Variants in MAP2K5 observed in about 807,000 individuals in gnomAD.
The protein encoded by MAP2K5 is dual specificity mitogen-activated protein kinase kinase 5.
MAP2K5 carries 49 observed loss-of-function variants against 83.1 expected under a neutral mutation model. That is an observed-to-expected ratio of 0.59 (90% CI 0.47 to 0.75). The LOEUF (loss-of-function observed/expected upper bound fraction) is 0.75, where lower values mean the gene tolerates loss of function less well. Ranked by LOEUF, MAP2K5 falls within the 30% of genes least tolerant of loss-of-function variation. The probability of loss-of-function intolerance (pLI) is 0.00; values close to 1 mark genes in which losing one functional copy is unlikely to be tolerated. For missense variants in MAP2K5, 457 were observed against 557.5 expected (o/e 0.82, Z 1.82); for synonymous variants, 202 against 191.8 (o/e 1.05, Z -0.44).
At chr15:67,685,104 T>C (rs1875651348) in intron 13 of MAP2K5, among the ~76,000 whole-genome samples, 1 of 152,046 alleles carries the variant, frequency 6.6e-6, no homozygotes, top group African/African-American at 2.4e-5. Context: ...ATCTAAGAAC[T>C]CAATGAACCC....
In MAP2K5 at chr15:67,758,466, T is replaced by A. The variant is rs2089883853; in HGVS notation, c.1134+9865T>A. ...GCACCTCATTCAAAACTATATTCAT[T>A]CCTGCTCCAGATTCAATTATGAGTT... On this transcript the variant is annotated intron_variant, in intron 19 of 21. Transcript: ENST00000178640. This position sits in a 1 kb window ranked among gnomAD's most constrained non-coding sequence, Gnocchi z 4.7. Among the ~76,000 whole-genome samples, 1 of 152,144 alleles carries A rather than the reference T, an allele frequency of 6.6e-6. No individual in the cohort carries two copies. The highest frequency in any genetic ancestry group is 1.5e-5 in the Non-Finnish European group (1 of 68,034).
In MAP2K5 at chr15:67,572,579, G is replaced by A. The variant is rs899992063; in HGVS notation, c.253-8175G>A. On this transcript the variant is annotated intron_variant, in intron 3 of 21. Coordinates refer to ENST00000178640, the MANE Select transcript of MAP2K5 (RefSeq NM_145160.3). The surrounding 1 kb of genome is among the most constrained non-coding windows in gnomAD (Gnocchi z 4.2). ...AGGAGGATGAATGTGCCCACCCTAC[G>A]TATGATGTTTGTTTATGTATAGGAT... 2.0e-5 allele frequency among the ~76,000 whole-genome samples: 3 copies of A among 152,154 alleles called. No individual in the cohort carries two copies. Among genetic ancestry groups the A allele is most frequent in the Admixed American group, 6.5e-5 (1 of 15,274 alleles).
intron 10 of MAP2K5, 37 bp from the exon 11 acceptor site, chr15:67,646,351 C>A (rs376334842): frequency 7.0e-7 from 1 of 1,426,444 alleles, no homozygotes; most frequent in Admixed American, 1.7e-5. Flanking sequence ...TATTGACTTG[C>A]AGGTTTATAA....
intron 8 of MAP2K5, among the ~76,000 whole-genome samples, chr15:67,620,862 G>C (rs914754360): frequency 2.0e-5 from 3 of 151,956 alleles, no homozygotes; most frequent in Non-Finnish European, 4.4e-5. Flanking sequence ...ACAAATAGAT[G>C]GAATAAAGGG....
intron 21 of MAP2K5, among the ~76,000 whole-genome samples, chr15:67,800,758 G>A (rs901033381): frequency 2.6e-5 from 4 of 152,190 alleles, no homozygotes; most frequent in Non-Finnish European, 4.4e-5. Flanking sequence ...GGGCTTTGGT[G>A]CACTCACACA....
intron 15 of MAP2K5, among the ~76,000 whole-genome samples, chr15:67,693,807 AG>A (rs1427472094): frequency 6.6e-6 from 1 of 152,162 alleles, no homozygotes; most frequent in Admixed American, 6.5e-5. Context: ...GAAATCGCTG[AG>A]TTTCGAAGTT....
At chr15:67,651,624 C>G (rs1174221714) in intron 11 of MAP2K5, among the ~76,000 whole-genome samples, 2 of 152,192 alleles carry the variant, frequency 1.3e-5, no homozygotes, top group Non-Finnish European at 2.9e-5. Flanking sequence ...ACATATATGT[C>G]TTTCTGTGTC....
Position 67,717,278 on chromosome 15 carries a change from A to G in MAP2K5, c.1045-10638A>G, listed in dbSNP as rs1383524160. On this transcript the variant is annotated intron_variant, in intron 16 of 21. Coordinates refer to ENST00000178640, the MANE Select transcript of MAP2K5 (RefSeq NM_145160.3). This position sits in a 1 kb window ranked among gnomAD's most constrained non-coding sequence, Gnocchi z 4.1. Reference sequence around the variant, plus strand: ...ATGTGCTAGTTACCTTTCAGAAACTAAGGCCTAGTTTATTTATTAAAAAGA... The same window carrying G: ...ATGTGCTAGTTACCTTTCAGAAACTGAGGCCTAGTTTATTTATTAAAAAGA... Among the ~76,000 whole-genome samples, 1 of 152,154 alleles carries G rather than the reference A, an allele frequency of 6.6e-6. No individual in the cohort carries two copies. The highest frequency in any genetic ancestry group is 1.9e-4 in the East Asian group (1 of 5,192).
chr15:67,674,107 A>G (rs1357300096), intron 13 of MAP2K5, among the ~76,000 whole-genome samples: 1 of 152,252 alleles, frequency 6.6e-6, no homozygotes, highest in African/African-American at 2.4e-5. Flanking sequence ...TCGGCCTCCC[A>G]AAGTGCTGAG....
chr15:67,643,878 G>A (rs62016188), intron 9 of MAP2K5, among the ~76,000 whole-genome samples: 11,855 of 152,048 alleles, frequency 0.078, 612 homozygotes, highest in East Asian at 0.11. Flanking sequence ...TGCTCTATTA[G>A]CAGTTTATAA....
At chr15:67,699,555 C>T (rs575131510) in intron 15 of MAP2K5, among the ~76,000 whole-genome samples, 56 of 152,274 alleles carry the variant, frequency 3.7e-4, no homozygotes, top group African/African-American at 1.3e-3. Flanking sequence ...TATATGCATA[C>T]GTGTCCTAGG....
At chr15:67,590,426 C>CTCTCTCTCT (rs1567294535) in intron 6 of MAP2K5, among the ~76,000 whole-genome samples, 1 of 23,966 alleles carries the variant, frequency 4.2e-5, no homozygotes, top group African/African-American at 1.1e-4. Flanking sequence ...TCCCTCCCTC[C>CTCTCTCTCT]CTCTCTCTCT....
At chr15:67,804,813 T>C (rs2090770393) in intron 21 of MAP2K5, among the ~76,000 whole-genome samples, 1 of 152,150 alleles carries the variant, frequency 6.6e-6, no homozygotes, top group Non-Finnish European at 1.5e-5. Flanking sequence ...TGAGAGGAAG[T>C]GTGCACGCTT....
rs576033653 is a variant in MAP2K5, at chr15:67,734,729, G to A, written c.1074+6784G>A. Among the ~76,000 whole-genome samples the A allele has an allele frequency of 3.9e-5, 6 of 152,200 alleles. No homozygotes were observed. The East Asian group carries it at 1.2e-3, about 29-fold the overall frequency. Reference sequence around the variant, plus strand: ...AAAAAGTTTGCACTCTTTGAAAAGAGGTATTAGAATCTATCCTTTGTTGCA... The same window carrying A: ...AAAAAGTTTGCACTCTTTGAAAAGAAGTATTAGAATCTATCCTTTGTTGCA... On this transcript the variant is annotated intron_variant, in intron 17 of 21. Coordinates refer to ENST00000178640, the MANE Select transcript of MAP2K5 (RefSeq NM_145160.3).
chr15:67,629,274 A>G, intron 8 of MAP2K5: 1 of 578,870 alleles, frequency 1.7e-6, no homozygotes, highest in Non-Finnish European at 3.2e-6. Context: ...CATGTTTTAG[A>G]CAAATACTCA....
At chr15:67,737,842 G>GTA (rs1317465757) in intron 17 of MAP2K5, among the ~76,000 whole-genome samples, 1 of 88,078 alleles carries the variant, frequency 1.1e-5, no homozygotes, top group Non-Finnish European at 2.2e-5. Context: ...GAATAGAATA[G>GTA]TCTTTTTTTT....
chr15:67,558,319 A>G (rs1328886978), intron 2 of MAP2K5, among the ~76,000 whole-genome samples: 5 of 152,186 alleles, frequency 3.3e-5, no homozygotes, highest in Non-Finnish European at 7.3e-5. Context: ...TTCATCAGCA[A>G]GTCCTGTTGG....
In MAP2K5 at chr15:67,708,047, G is replaced by A. The variant is rs150390026; in HGVS notation, c.1044+4639G>A. Among the ~76,000 whole-genome samples the A allele has an allele frequency of 3.0e-3, 457 of 152,264 alleles. 2 individuals carry two copies. Among genetic ancestry groups the A allele is most frequent in the Non-Finnish European group, 5.3e-3 (359 of 68,016 alleles). ...GAATCAAATACAGGCTAGGCCTGGC[G>A]GCTCATTCCTGTAATACCAGCACTT... is the stretch of plus-strand genomic sequence containing the variant. On this transcript the variant is annotated intron_variant, in intron 16 of 21. Transcript: ENST00000178640. This position sits in a 1 kb window ranked among gnomAD's most constrained non-coding sequence, Gnocchi z 4.9.
rs139978558 is a variant in MAP2K5, at chr15:67,804,170, C to T, written c.1243-2476C>T. On this transcript the variant is annotated intron_variant, in intron 21 of 21. Transcript: ENST00000178640. ...CCCGCCTGCCTGCCTCTGGACAGCA[C>T]CTCCTGCTCTCGGGTCCTACACACT... Among the ~76,000 whole-genome samples the T allele has an allele frequency of 2.0e-5, 3 of 152,312 alleles. No homozygotes were observed. The East Asian group carries it at 5.8e-4, about 29-fold the overall frequency.
Sources: gnomAD v4.1 joint callset for allele counts (sites outside exome capture counted in the v4.1 genomes callset) on GRCh38, gnomAD v4.1.1 for gene constraint, Gnocchi (gnomAD v3.1) non-coding constraint, MANE v1.5 for transcripts, NCBI Gene and HGNC (gene_info 2026-07-23, HGNC 2026-07-21) for gene names.